The following MTR variants were observed in gnomAD, a reference collection of about 807,000 sequenced individuals.
MTR encodes methionine synthase.
MTR carries 84 observed loss-of-function variants against 154.8 expected under a neutral mutation model. The ratio of observed to expected loss-of-function variants is 0.54; its 90% CI spans 0.45 to 0.65. MTR has a LOEUF of 0.65. MTR is among the 30% of genes least tolerant of loss of function. The pLI, the probability that MTR is intolerant of heterozygous loss-of-function variation, is 0.00. For synonymous variants in MTR, 554 were observed against 553.9 expected, an observed-to-expected ratio of 1.00 and a Z score of 0.00; for missense variants, 1,275 against 1,570.2, an observed-to-expected ratio of 0.81 and a Z score of 3.18.
chr1:236,839,684 A>T (rs182219581), intron 15 of MTR, among the ~76,000 whole-genome samples: 125 of 152,300 alleles, frequency 8.2e-4, no homozygotes, highest in Non-Finnish European at 1.4e-3. Flanking sequence ...TAAAAAATCT[A>T]TTTCTTATGA....
intron 16 of MTR, among the ~76,000 whole-genome samples, chr1:236,851,625 G>C (rs1237387673): frequency 6.6e-6 from 1 of 152,094 alleles, no homozygotes; most frequent in Non-Finnish European, 1.5e-5. Flanking sequence ...GCAATGCTCT[G>C]GTATTCCCTA....
At position 236,897,310 on chromosome 1, in the gene MTR, G is replaced by GCGTGCGCGCACACACA; in HGVS notation, c.3711+193_3711+194insGTGCGCGCACACACAC. Among the ~76,000 whole-genome samples the GCGTGCGCGCACACACA allele has an allele frequency of 5.4e-5, 7 of 128,682 alleles. 1 individual carries two copies. In the South Asian group the frequency reaches 1.9e-3, roughly 35 times the overall value. The allele number at this position is 128,682 out of a possible 152,430, so 84.4% of individuals were successfully genotyped here. A position where few individuals can be genotyped will look rare whatever the true frequency, so the allele number is the denominator to read the frequency against. On this transcript the variant is annotated intron_variant, in intron 32 of 32. Coordinates refer to ENST00000366577, the MANE Select transcript of MTR (RefSeq NM_000254.3). ...ACTTCTACATGCAAGCCACACACAC[G>GCGTGCGCGCACACACA]CACACACACACACACACACACACAC...
chr1:236,846,401 ATTAG>A (rs1323023493), intron 15 of MTR, among the ~76,000 whole-genome samples: 5 of 152,240 alleles, frequency 3.3e-5, no homozygotes, highest in African/African-American at 4.8e-5. Context: ...AATAGTCTAT[ATTAG>A]TTTTTGTTTG....
Position 236,816,458 on chromosome 1 carries a change from A to C in MTR, c.679A>C (p.Thr227Pro). 6.2e-7 allele frequency: 1 copy of C among 1,613,932 alleles called. No individual in the cohort carries two copies. Among genetic ancestry groups the C allele is most frequent in the Non-Finnish European group, 8.5e-7 (1 of 1,179,838 alleles). ...YAPRPIFISG[T>P]IVDKSGRTLS... is the part of the protein sequence containing the mutation. Reference sequence around the variant, plus strand: ...TACTTTGTCAATTCAGATTTCAGGGACGATCGTTGATAAAAGTGGGCGGAC... The same window carrying C: ...TACTTTGTCAATTCAGATTTCAGGGCCGATCGTTGATAAAAGTGGGCGGAC... The change falls in exon 8 of 33, where the codon ACG becomes CCG. Residue 227 changes from threonine (T) to proline (P), a missense_variant. By Grantham distance (38) the Thr-to-Pro change is conservative. Transcript: ENST00000366577.
chr1:236,842,068 T>G (rs187355170), intron 15 of MTR, among the ~76,000 whole-genome samples: 2 of 152,244 alleles, frequency 1.3e-5, no homozygotes, highest in Non-Finnish European at 2.9e-5. Flanking sequence ...ATTTTTTGTA[T>G]TTTTAGTAGA....
In MTR at chr1:236,835,440, G is replaced by T. The variant is rs571294548; in HGVS notation, c.1189-107G>T. 7.9e-6 allele frequency: 11 copies of T among 1,398,692 alleles called. No homozygotes were observed. In the African/African-American group the frequency reaches 1.6e-4, roughly 20 times the overall value. 86.6% of individuals were successfully genotyped at this position (1,398,692 alleles called of 1,614,324 possible). A position where few individuals can be genotyped will look rare whatever the true frequency, so the allele number is the denominator to read the frequency against. On this transcript the variant is annotated intron_variant, in intron 13 of 32. Transcript: ENST00000366577. ...CGGAGTCAGGGAGTCTGGCGAGGTA[G>T]TCTGTGTAATTTGAAGGATTGCTGG...
rs1177576160 is a variant in MTR at position 236,795,664 on chromosome 1, TC to T, written c.-39del. 1 of 1,613,302 alleles carries T rather than the reference TC, an allele frequency of 6.2e-7. No individual in the cohort carries two copies. The highest frequency in any genetic ancestry group is 8.5e-7 in the Non-Finnish European group (1 of 1,179,948). ...GTCGTCACCTGTGGAGAGCACGTCT[TC>T]TCTGCCGCGCCCTCTGCGCAAGGAG... On this transcript the variant is annotated 5_prime_UTR_variant, in exon 1 of 33. Transcript: ENST00000366577.
chr1:236,877,342 A>G (rs894164930), intron 24 of MTR, among the ~76,000 whole-genome samples: 7 of 152,234 alleles, frequency 4.6e-5, no homozygotes, highest in Admixed American at 2.0e-4. Context: ...GAACCCACCC[A>G]TGTAACCACC....
intron 19 of MTR, 108 bp downstream of exon 19, chr1:236,860,030 TTC>T (rs1664430081): frequency 1.3e-6 from 1 of 793,844 alleles, no homozygotes; most frequent in Non-Finnish European, 2.0e-6. Context: ...AGACCACTGA[TTC>T]TCAACCTGGG....
intron 16 of MTR, among the ~76,000 whole-genome samples, chr1:236,850,796 C>T (rs1180416956): frequency 1.3e-5 from 2 of 152,118 alleles, no homozygotes; most frequent in Admixed American, 6.5e-5. Flanking sequence ...CACGCCAGTG[C>T]GCTCTAGCCT....
intron 1 of MTR, among the ~76,000 whole-genome samples, chr1:236,800,725 C>T (rs969177406): frequency 1.6e-4 from 25 of 152,256 alleles, no homozygotes; most frequent in African/African-American, 6.0e-4. Flanking sequence ...TGCTATAATA[C>T]CAACATAATA....
At chr1:236,811,701 G>A (rs1162025871) in intron 5 of MTR, 3 of 456,178 alleles carry the variant, frequency 6.6e-6, no homozygotes, top group Admixed American at 4.7e-5. Context: ...GGTGAAGTAC[G>A]GTAAGTCTTC....
intron 8 of MTR, among the ~76,000 whole-genome samples, chr1:236,822,303 G>T (rs371880945): frequency 1.1e-3 from 130 of 115,260 alleles, no homozygotes; most frequent in African/African-American, 2.2e-3. Flanking sequence ...GTTTTGTGGG[G>T]TTTTTTTTGT....
intron 27 of MTR, among the ~76,000 whole-genome samples, 199 bp downstream of exon 27, chr1:236,886,566 A>G (rs145651612): frequency 1.3e-5 from 2 of 152,350 alleles, no homozygotes; most frequent in Non-Finnish European, 1.5e-5. Flanking sequence ...GCCAGATACC[A>G]TCCTGAGATG....
At chr1:236,797,882 C>T (rs1660483335) in intron 1 of MTR, among the ~76,000 whole-genome samples, 1 of 150,936 alleles carries the variant, frequency 6.6e-6, no homozygotes, top group African/African-American at 2.4e-5. Context: ...CGCTTGAACC[C>T]TGGAGGCTGA....
chr1:236,884,342 A>G (rs1175964331), intron 25 of MTR, among the ~76,000 whole-genome samples: 2 of 152,208 alleles, frequency 1.3e-5, no homozygotes, highest in African/African-American at 2.4e-5. Flanking sequence ...GCAGTAGTAG[A>G]TGAATAGAAT....
intron 3 of MTR, 48 bp downstream of exon 3, chr1:236,806,281 C>T: frequency 6.8e-7 from 1 of 1,462,832 alleles, no homozygotes; most frequent in Non-Finnish European, 9.6e-7. Flanking sequence ...CGAGCGTTTG[C>T]TGCATTGGTA....
chr1:236,852,103 A>G (rs1039558584), intron 16 of MTR, among the ~76,000 whole-genome samples: 2 of 152,308 alleles, frequency 1.3e-5, no homozygotes. Flanking sequence ...GATGCTTGAT[A>G]CTGTCATCGG....
intron 2 of MTR, among the ~76,000 whole-genome samples, chr1:236,805,064 TG>T (rs1266493712): frequency 6.6e-6 from 1 of 152,190 alleles, no homozygotes; most frequent in African/African-American, 2.4e-5. Flanking sequence ...TTCGGATGTT[TG>T]TTATTGTTAC....
Sources: allele counts gnomAD v4.1 joint callset (sites outside exome capture counted in the v4.1 genomes callset), GRCh38; gene constraint gnomAD v4.1.1; transcripts MANE v1.5; gene names NCBI Gene and HGNC (gene_info 2026-07-23, HGNC 2026-07-21).